Variants in EVC2 observed in about 807,000 individuals in gnomAD.
EVC2 encodes the protein limbin.
A neutral mutation model predicts 149.3 loss-of-function variants in EVC2; 148 were observed. The observed-to-expected ratio is 0.99, with a 90% CI of 0.87 to 1.14. The LOEUF (loss-of-function observed/expected upper bound fraction) is 1.14. Among genes scored for constraint, EVC2 ranks in the 50% most tolerant of loss-of-function variants. EVC2 has a pLI of 0.00. For synonymous variants in EVC2, 776 were observed against 649.9 expected (o/e 1.19, Z -2.95); for missense variants, 1,854 against 1,627.3 (o/e 1.14, Z -2.40).
chr4:5,685,486 A>C lies in EVC2; in HGVS notation c.707-7T>G. 1 of 1,613,766 alleles carries C rather than the reference A, an allele frequency of 6.2e-7. No homozygotes were observed. The highest frequency in any genetic ancestry group is 1.3e-5 in the African/African-American group (1 of 75,044). On this transcript the variant is annotated splice_region_variant and splice_polypyrimidine_tract_variant and intron_variant, in intron 5 of 21. Transcript: ENST00000344408. The stretch of plus-strand genomic sequence containing the variant: ...ACAGCAAAGGCATCTCCCACTGCGC[A>C]GAGAAAAGCACATGTGACTCAGGGA...
At chr4:5,682,754 G>A (rs1720437090) in intron 6 of EVC2, among the ~76,000 whole-genome samples, 1 of 151,462 alleles carries the variant, frequency 6.6e-6, no homozygotes. Context: ...AGCTACTCAG[G>A]AGGCTGAGAG....
At chr4:5,595,355 C>T (rs1315703186) in intron 16 of EVC2, among the ~76,000 whole-genome samples, 2 of 152,216 alleles carry the variant, frequency 1.3e-5, no homozygotes, top group East Asian at 3.8e-4. Context: ...GCCCATCAGA[C>T]TAACAGCTGA....
intron 15 of EVC2, among the ~76,000 whole-genome samples, chr4:5,617,389 C>A (rs1715334218): frequency 6.6e-6 from 1 of 152,152 alleles, no homozygotes; most frequent in African/African-American, 2.4e-5. Context: ...AATATGTTTT[C>A]AGTCTCAACT....
chr4:5,537,092 C>T, the EVC2 span, among the ~76,000 whole-genome samples: 1 of 152,152 alleles, frequency 6.6e-6, no homozygotes, highest in East Asian at 1.9e-4. Context: ...GGACATTAGA[C>T]AACAAAGGAT....
At chr4:5,664,505 G>C (rs775756282) in intron 8 of EVC2, among the ~76,000 whole-genome samples, 8 of 152,184 alleles carry the variant, frequency 5.3e-5, no homozygotes, top group Non-Finnish European at 1.2e-4. Flanking sequence ...TAGTTCTTCT[G>C]ATTGATAACA....
At chr4:5,689,017 T>C in intron 5 of EVC2, 140 bp downstream of exon 5, 2 of 905,166 alleles carry the variant, frequency 2.2e-6, no homozygotes, top group Non-Finnish European at 3.5e-6. Flanking sequence ...GATACCCTGA[T>C]AGTAAGATCC....
rs555199944 is a variant in EVC2, at chr4:5,638,455, T to G, written c.1470+2059A>C. 2.0e-5 allele frequency among the ~76,000 whole-genome samples: 3 copies of G among 152,098 alleles called. No individual in the cohort carries two copies. The South Asian group carries it at 6.2e-4, about 32-fold the overall frequency. ...ATCAAAAGAGAGATAATGGGATCATTTAGGAGCTGAATCACCGAACAGTGC... is the reference window on the plus strand; with the variant it reads ...ATCAAAAGAGAGATAATGGGATCATGTAGGAGCTGAATCACCGAACAGTGC... On this transcript the variant is annotated intron_variant, in intron 10 of 21. Transcript: ENST00000344408.
At chr4:5,702,149 C>A (rs1721865301) in intron 1 of EVC2, among the ~76,000 whole-genome samples, 1 of 152,148 alleles carries the variant, frequency 6.6e-6, no homozygotes, top group African/African-American at 2.4e-5. Context: ...AGAAACAAGG[C>A]CTTGCCCGTC....
intron 7 of EVC2, among the ~76,000 whole-genome samples, chr4:5,668,658 A>T (rs1285017264): frequency 6.6e-6 from 1 of 152,244 alleles, no homozygotes; most frequent in Non-Finnish European, 1.5e-5. Flanking sequence ...CACAGTAGCT[A>T]AAGATCAGCA....
chr4:5,580,362 C>T (rs1045386859), intron 17 of EVC2, among the ~76,000 whole-genome samples: 1 of 152,206 alleles, frequency 6.6e-6, no homozygotes, highest in African/African-American at 2.4e-5. Context: ...CCACTCAGGA[C>T]ACATTAACTC....
intron 1 of EVC2, among the ~76,000 whole-genome samples, chr4:5,706,254 C>A (rs921099606): frequency 6.6e-6 from 1 of 150,750 alleles, no homozygotes; most frequent in Non-Finnish European, 1.5e-5. Context: ...TCTCCCAGCC[C>A]CCTGCACACA....
intron 8 of EVC2, among the ~76,000 whole-genome samples, chr4:5,663,546 C>T (rs1421788720): frequency 6.6e-6 from 1 of 152,228 alleles, no homozygotes; most frequent in East Asian, 1.9e-4. Flanking sequence ...CTATCATCAT[C>T]TTTATCATTA....
chr4:5,697,593 C>T lies in EVC2; in HGVS notation c.283G>A (p.Val95Met), dbSNP rs747642992. ...KVECCHFKTA[V>M]EAPLGMKLDK... is the part of the protein sequence containing the mutation. The stretch of plus-strand genomic sequence containing the variant: ...AACATCAACCAGAAGAAAAACTCAC[C>T]TGCAGTCTTAAAGTGACAGCATTCC... The change falls in exon 2 of 22, where the codon GTG becomes ATG. Residue 95 changes from valine to methionine, a missense_variant and splice_region_variant. Coordinates refer to ENST00000344408, the MANE Select transcript of EVC2 (RefSeq NM_147127.5). 1.2e-6 allele frequency: 2 copies of T among 1,614,126 alleles called. No homozygotes were observed. Among genetic ancestry groups the T allele is most frequent in the Non-Finnish European group, 1.7e-6 (2 of 1,179,976 alleles).
Position 5,611,914 on chromosome 4 carries a change from G to C in EVC2, c.2829+3508C>G, listed in dbSNP as rs1714852126. On this transcript the variant is annotated intron_variant, in intron 16 of 21. Transcript: ENST00000344408. The stretch of plus-strand genomic sequence containing the variant: ...TGATTACAGATTAGCCTTCTTCCCA[G>C]ACTACATTATTTTGTAAAATGCTGT... 2.6e-5 allele frequency among the ~76,000 whole-genome samples: 4 copies of C among 152,176 alleles called. No homozygotes were observed. The South Asian group carries it at 8.3e-4, about 32-fold the overall frequency.
At chr4:5,656,047 G>C (rs1437504665) in intron 9 of EVC2, among the ~76,000 whole-genome samples, 1 of 152,204 alleles carries the variant, frequency 6.6e-6, no homozygotes, top group Non-Finnish European at 1.5e-5. Context: ...TCTCAGAAAA[G>C]AGCTGCTTCC....
Position 5,619,378 on chromosome 4 carries a change from A to C in EVC2, c.2502-696T>G, listed in dbSNP as rs1026578740. On this transcript the variant is annotated intron_variant, in intron 14 of 21. Transcript: ENST00000344408. ...ATAACTGGTGTCCTTATAAGAAAAG[A>C]GACAAACACACAGAGAGGCCATCTG... is the stretch of plus-strand genomic sequence containing the variant. Among the ~76,000 whole-genome samples, 5 of 152,210 alleles carry C rather than the reference A, an allele frequency of 3.3e-5. No individual in the cohort carries two copies. In the East Asian group the frequency reaches 9.6e-4, roughly 29 times the overall value.
intron 1 of EVC2, among the ~76,000 whole-genome samples, chr4:5,703,537 C>A (rs976742863): frequency 6.6e-6 from 1 of 152,198 alleles, no homozygotes; most frequent in Non-Finnish European, 1.5e-5. Flanking sequence ...AGAACTCACA[C>A]TTCTAGACTC....
At chr4:5,612,131 T>TA (rs1296222339) in intron 16 of EVC2, among the ~76,000 whole-genome samples, 2 of 152,350 alleles carry the variant, frequency 1.3e-5, no homozygotes, top group East Asian at 3.9e-4. Flanking sequence ...AAACCGTAAC[T>TA]AATTAAACTG....
rs772860972 is a variant in EVC2, at chr4:5,568,647, G to A, written c.3361-7C>T. The A allele has an allele frequency of 6.2e-7, 1 of 1,605,742 alleles. No individual in the cohort carries two copies. Among genetic ancestry groups the A allele is most frequent in the East Asian group, 2.2e-5 (1 of 44,810 alleles). Reference sequence around the variant, plus strand: ...ACGATGCCAGTCTCAGCTCCTACAGGAAACAACAGAGGGAGTTCAGACCCT... The same window carrying A: ...ACGATGCCAGTCTCAGCTCCTACAGAAAACAACAGAGGGAGTTCAGACCCT... On this transcript the variant is annotated splice_region_variant and splice_polypyrimidine_tract_variant and intron_variant, in intron 19 of 21. Coordinates refer to ENST00000344408, the MANE Select transcript of EVC2 (RefSeq NM_147127.5).
Sources: allele counts gnomAD v4.1 joint callset (sites outside exome capture counted in the v4.1 genomes callset), GRCh38; gene constraint gnomAD v4.1.1; transcripts MANE v1.5; gene names NCBI Gene and HGNC (gene_info 2026-07-23, HGNC 2026-07-21).